Variants in IL19 observed in about 807,000 individuals in gnomAD.
IL19 encodes interleukin 19.
A neutral mutation model predicts 19.5 loss-of-function variants in IL19; 15 were observed. The ratio of observed to expected loss-of-function variants is 0.77; its 90% CI spans 0.52 to 1.19. The LOEUF (loss-of-function observed/expected upper bound fraction) is 1.19. IL19 is among the 50% of genes most tolerant of loss of function. IL19 has a pLI of 0.00. For synonymous variants in IL19, 78 were observed against 78.3 expected (o/e 1.00, Z 0.02); for missense variants, 199 against 213.1 (o/e 0.93, Z 0.41).
At chr1:206,817,053 A>C (rs1676174754) in intron 2 of IL19, among the ~76,000 whole-genome samples, 1 of 152,242 alleles carries the variant, frequency 6.6e-6, no homozygotes, top group Admixed American at 6.5e-5. Flanking sequence ...TGAAACGCTG[A>C]AACTCCCTTG....
chr1:206,826,380 G>C (rs1054876761), intron 2 of IL19, among the ~76,000 whole-genome samples: 1 of 152,220 alleles, frequency 6.6e-6, no homozygotes, highest in African/African-American at 2.4e-5. Context: ...TACACCGCTG[G>C]CTTTCTGAAA....
chr1:206,801,529 G>C lies in IL19; in HGVS notation c.-3+2523G>C, dbSNP rs558104898. Among the ~76,000 whole-genome samples, 14 of 152,238 alleles carry C rather than the reference G, an allele frequency of 9.2e-5. 1 individual carries two copies. In the East Asian group the frequency reaches 2.5e-3, roughly 27 times the overall value. Reference sequence around the variant, plus strand: ...CCTATCTCAGACCTCTATGGCTCTGGGTCAGTCTTAGACAAACTACTCCCT... The same window carrying C: ...CCTATCTCAGACCTCTATGGCTCTGCGTCAGTCTTAGACAAACTACTCCCT... On this transcript the variant is annotated intron_variant, in intron 2 of 6. Coordinates refer to ENST00000659997, the MANE Select transcript of IL19 (RefSeq NM_153758.5).
At chr1:206,822,838 T>C (rs879871041) in intron 2 of IL19, among the ~76,000 whole-genome samples, 7 of 152,126 alleles carry the variant, frequency 4.6e-5, no homozygotes, top group Non-Finnish European at 1.5e-5. Flanking sequence ...GCTGAATGAA[T>C]GTGTAAGTGA....
At position 206,839,916 on chromosome 1, in the gene IL19, CA is replaced by C. The variant is rs1676943130; in HGVS notation, c.278del (p.His93LeufsTer9). 1 of 1,613,948 alleles carries C rather than the reference CA, an allele frequency of 6.2e-7. No individual in the cohort carries two copies. Among genetic ancestry groups the C allele is most frequent in the South Asian group, 1.1e-5 (1 of 91,088 alleles). On this transcript the variant is annotated frameshift_variant, in exon 5 of 7. Coordinates refer to ENST00000659997, the MANE Select transcript of IL19 (RefSeq NM_153758.5). LOFTEE classifies it high-confidence loss of function. Reference sequence around the variant, plus strand: ...CTACGTGGACAGGGTGTTCAAGGATCATCAGGAGCCAAACCCCAAAATCTTG... The same window carrying C: ...CTACGTGGACAGGGTGTTCAAGGATCTCAGGAGCCAAACCCCAAAATCTTG... ...AFYVDRVFKD[H>X]QEPNPKILRK...
chr1:206,818,234 A>G (rs1327590899), intron 2 of IL19, among the ~76,000 whole-genome samples: 1 of 152,214 alleles, frequency 6.6e-6, no homozygotes, highest in East Asian at 1.9e-4. Context: ...TTTGAGTGCA[A>G]ACAGAATCTT....
At chr1:206,773,243 C>T (rs1193039216) in intron 1 of IL19, among the ~76,000 whole-genome samples, 1 of 152,168 alleles carries the variant, frequency 6.6e-6, no homozygotes, top group African/African-American at 2.4e-5. Flanking sequence ...CTCACCATGA[C>T]CCCTACCGTC....
intron 2 of IL19, among the ~76,000 whole-genome samples, chr1:206,821,995 C>T (rs1487820648): frequency 6.6e-6 from 1 of 152,174 alleles, no homozygotes; most frequent in Non-Finnish European, 1.5e-5. Context: ...TCCCAGAGTT[C>T]TCTCGTCATG....
At chr1:206,779,036 G>A (rs1250855124) in intron 1 of IL19, among the ~76,000 whole-genome samples, 5 of 152,226 alleles carry the variant, frequency 3.3e-5, no homozygotes, top group East Asian at 3.9e-4. Context: ...GTCTAAAACC[G>A]CTCGTGGCCT....
chr1:206,799,145 G>A (rs896262864), intron 2 of IL19, 139 bp downstream of exon 2: 5 of 681,822 alleles, frequency 7.3e-6, no homozygotes, highest in South Asian at 5.0e-5. Context: ...CTGTCATAAA[G>A]TTCCTTATTG....
chr1:206,797,832 C>T (rs1374051634), intron 1 of IL19, among the ~76,000 whole-genome samples: 1 of 152,214 alleles, frequency 6.6e-6, no homozygotes, highest in East Asian at 1.9e-4. Context: ...GGGATATTGA[C>T]TTCTGGCTCT....
At chr1:206,799,134 T>G in intron 2 of IL19, 128 bp downstream of exon 2, 1 of 713,192 alleles carries the variant, frequency 1.4e-6, no homozygotes, top group Non-Finnish European at 2.4e-6. Flanking sequence ...ACTGCCTTTG[T>G]CTGTCATAAA....
At chr1:206,784,318 CT>C (rs1337759657) in intron 1 of IL19, among the ~76,000 whole-genome samples, 1 of 152,230 alleles carries the variant, frequency 6.6e-6, no homozygotes, top group Non-Finnish European at 1.5e-5. Context: ...CAGCCTGCCC[CT>C]TCTGTTCCCC....
intron 1 of IL19, among the ~76,000 whole-genome samples, chr1:206,797,316 G>A (rs957437688): frequency 4.6e-5 from 7 of 151,766 alleles, no homozygotes; most frequent in Non-Finnish European, 8.8e-5. Context: ...AATTCATGGC[G>A]GAGGGTGGGG....
intron 1 of IL19, among the ~76,000 whole-genome samples, chr1:206,784,452 T>C (rs1675217427): frequency 6.6e-6 from 1 of 152,228 alleles, no homozygotes; most frequent in African/African-American, 2.4e-5. Context: ...TGCCCAGCCC[T>C]GGAAGTGCCA....
intron 2 of IL19, among the ~76,000 whole-genome samples, chr1:206,800,807 G>C (rs1335857655): frequency 6.6e-6 from 1 of 152,238 alleles, no homozygotes; most frequent in Non-Finnish European, 1.5e-5. Context: ...TCCTGGCCGT[G>C]TGTGTTAAGT....
intron 1 of IL19, among the ~76,000 whole-genome samples, chr1:206,788,870 G>A (rs1380609967): frequency 6.6e-6 from 1 of 152,210 alleles, no homozygotes; most frequent in Non-Finnish European, 1.5e-5. Context: ...GATGACCCTT[G>A]ATATCTTTCT....
At chr1:206,824,339 C>T (rs74151408) in intron 2 of IL19, among the ~76,000 whole-genome samples, 2,774 of 152,186 alleles carry the variant, frequency 0.018, 38 homozygotes, top group Middle Eastern at 0.058. Context: ...CATGGAATTC[C>T]GAGTGTGAAG....
At chr1:206,805,540 A>G (rs1675827460) in intron 2 of IL19, among the ~76,000 whole-genome samples, 1 of 152,274 alleles carries the variant, frequency 6.6e-6, no homozygotes, top group Admixed American at 6.5e-5. Context: ...AAACACAGTT[A>G]TTGAATTAAA....
At chr1:206,819,449 TG>T (rs1408967144) in intron 2 of IL19, among the ~76,000 whole-genome samples, 3 of 151,818 alleles carry the variant, frequency 2.0e-5, no homozygotes, top group Non-Finnish European at 4.4e-5. Flanking sequence ...CCGGGTGTGT[TG>T]GTGTGTGCCT....
Sources: allele counts gnomAD v4.1 joint callset (sites outside exome capture counted in the v4.1 genomes callset), GRCh38; gene constraint gnomAD v4.1.1; transcripts MANE v1.5; gene names NCBI Gene and HGNC (gene_info 2026-07-23, HGNC 2026-07-21).